Variants in TMEM200A observed in about 807,000 individuals in gnomAD.
TMEM200A encodes the protein two transmembrane C.
Under a neutral mutation model 24.3 loss-of-function variants are expected in TMEM200A, and 12 were observed. The observed-to-expected ratio is 0.49, with a 90% CI of 0.32 to 0.80. The LOEUF is 0.80. Among genes scored for constraint, TMEM200A ranks in the 30% least tolerant of loss-of-function variants. The pLI, the probability that TMEM200A is intolerant of heterozygous loss-of-function variation, is 0.04. For synonymous variants in TMEM200A, 224 were observed against 224.4 expected (o/e 1.00, Z 0.02); for missense variants, 545 against 614.4 (o/e 0.89, Z 1.19).
chr6:130,425,204 T>C (rs900488042), intron 2 of TMEM200A, among the ~76,000 whole-genome samples: 6 of 152,208 alleles, frequency 3.9e-5, no homozygotes, highest in African/African-American at 1.4e-4. Context: ...ATTGAATATT[T>C]CTGCAGAAAT....
intron 1 of TMEM200A, among the ~76,000 whole-genome samples, chr6:130,378,382 TCA>T (rs1778512706): frequency 6.6e-6 from 1 of 150,904 alleles, no homozygotes; most frequent in African/African-American, 2.4e-5. Context: ...GGGCCTGAAC[TCA>T]AATTCAATGT....
chr6:130,437,475 T>C (rs1464726526), intron 2 of TMEM200A: 1 of 152,210 alleles, frequency 6.6e-6, no homozygotes, highest in African/African-American at 2.4e-5. Context: ...AGGGTCTACA[T>C]TGGGACCCTG....
At position 130,441,626 on chromosome 6, in the gene TMEM200A, C is replaced by T. The variant is rs146211569; in HGVS notation, c.1204C>T (p.Arg402Trp). Residue 402 changes from arginine (R) to tryptophan (W), a missense_variant, in exon 3 of 3, where the codon CGG (arginine) becomes TGG (tryptophan). Arg to Trp is a moderately radical substitution (Grantham distance 101). Coordinates refer to ENST00000296978, the MANE Select transcript of TMEM200A (RefSeq NM_001258277.2). The part of the protein sequence containing the change: ...SSHSKSLDLD[R>W]GPSTLTVQAE... ...ACACTCAAAGTCCTTGGACTTAGAC[C>T]GGGGTCCCTCCACTCTAACTGTTCA... 9.3e-5 allele frequency: 150 copies of T among 1,614,016 alleles called. No homozygotes were observed. The highest frequency in any genetic ancestry group is 2.7e-5 in the African/African-American group (2 of 75,018).
chr6:130,379,281 A>C (rs533814851), intron 1 of TMEM200A, among the ~76,000 whole-genome samples: 1 of 152,258 alleles, frequency 6.6e-6, no homozygotes, highest in Non-Finnish European at 1.5e-5. Flanking sequence ...AATTTAGAAA[A>C]GGAGAAGAGG....
At chr6:130,367,079 A>G (rs1364681837) in intron 1 of TMEM200A, among the ~76,000 whole-genome samples, 1 of 152,260 alleles carries the variant, frequency 6.6e-6, no homozygotes, top group African/African-American at 2.4e-5. Context: ...CACATTGTGT[A>G]GGCGCAAGCT....
At chr6:130,367,266 C>T (rs1422913850) in intron 1 of TMEM200A, among the ~76,000 whole-genome samples, 1 of 152,184 alleles carries the variant, frequency 6.6e-6, no homozygotes, top group Non-Finnish European at 1.5e-5. Context: ...CCACCTTAGT[C>T]TGGTGTATTT....
At chr6:130,389,951 C>T (rs1435474124) in intron 2 of TMEM200A, among the ~76,000 whole-genome samples, 1 of 152,138 alleles carries the variant, frequency 6.6e-6, no homozygotes, top group South Asian at 2.1e-4. Context: ...AAAAATTGCT[C>T]ATACTGATAA....
intron 2 of TMEM200A, among the ~76,000 whole-genome samples, chr6:130,430,057 G>T (rs532541321): frequency 1.5e-4 from 23 of 152,190 alleles, no homozygotes; most frequent in African/African-American, 4.8e-4. Flanking sequence ...GTCCTACTTT[G>T]TTCTGGCTGC....
At chr6:130,368,853 T>C (rs1778244486) in intron 1 of TMEM200A, among the ~76,000 whole-genome samples, 1 of 152,174 alleles carries the variant, frequency 6.6e-6, no homozygotes, top group South Asian at 2.1e-4. Context: ...TAGGTGGCTG[T>C]GGGTAAGTGG....
chr6:130,430,509 G>T (rs1779850390), intron 2 of TMEM200A, among the ~76,000 whole-genome samples: 1 of 152,152 alleles, frequency 6.6e-6, no homozygotes, highest in South Asian at 2.1e-4. Context: ...ACAAGTAGGA[G>T]AAGAGAGGGA....
intron 2 of TMEM200A, among the ~76,000 whole-genome samples, chr6:130,396,233 A>T (rs1778949427): frequency 6.6e-6 from 1 of 152,110 alleles, no homozygotes; most frequent in African/African-American, 2.4e-5. Flanking sequence ...AATGCTAGTG[A>T]TGATAGAGGT....
In TMEM200A at chr6:130,442,049, G is replaced by A. The variant is rs113672607; in HGVS notation, c.*151G>A. 8 of 716,176 alleles carry A rather than the reference G, an allele frequency of 1.1e-5. No individual in the cohort carries two copies. The highest frequency in any genetic ancestry group is 8.9e-5 in the African/African-American group (5 of 55,896). 44.4% of individuals were successfully genotyped at this position (716,176 alleles called of 1,614,324 possible). A position where few individuals can be genotyped will look rare whatever the true frequency, so the allele number is the denominator to read the frequency against. On this transcript the variant is annotated 3_prime_UTR_variant, in exon 3 of 3. Coordinates refer to ENST00000296978, the MANE Select transcript of TMEM200A (RefSeq NM_001258277.2). ...GCTTAGTTCTGTAATGAAGATGGTTGTATGTTTGGGTTACTTGTGACTGCA... is the reference window on the plus strand; with the variant it reads ...GCTTAGTTCTGTAATGAAGATGGTTATATGTTTGGGTTACTTGTGACTGCA...
intron 2 of TMEM200A, among the ~76,000 whole-genome samples, chr6:130,394,011 T>C (rs1182141675): frequency 6.6e-6 from 1 of 152,180 alleles, no homozygotes; most frequent in Non-Finnish European, 1.5e-5. Flanking sequence ...GAGTTTCTGT[T>C]CCCATTATTT....
rs13215027 is a variant in TMEM200A, at chr6:130,441,053, G to A, written c.631G>A (p.Ala211Thr). Residue 211 changes from alanine (A) to threonine (T), a missense_variant, in exon 3 of 3, where the codon GCC (alanine) becomes ACC (threonine). Ala to Thr is a moderately conservative substitution (Grantham distance 58). Transcript: ENST00000296978. ...CASRLAANTIASFSGFRSSFR... is the reference protein window; with the variant it reads ...CASRLAANTITSFSGFRSSFR... ...CTCGAGATTGGCAGCAAATACGATC[G>A]CCTCTTTCTCGGGTTTTCGGAGCAG... The A allele has an allele frequency of 1.2e-5, 19 of 1,613,916 alleles. No individual in the cohort carries two copies. The highest frequency in any genetic ancestry group is 9.9e-5 in the South Asian group (9 of 91,050).
At chr6:130,401,589 A>G (rs1427672243) in intron 2 of TMEM200A, among the ~76,000 whole-genome samples, 3 of 150,948 alleles carry the variant, frequency 2.0e-5, no homozygotes, top group Middle Eastern at 3.2e-3. Context: ...TTGTACATAT[A>G]TTTTTGTATA....
chr6:130,392,733 T>C (rs1256285984), intron 2 of TMEM200A, among the ~76,000 whole-genome samples: 1 of 152,188 alleles, frequency 6.6e-6, no homozygotes. Context: ...TTCTTCATCT[T>C]ACAAGCAACA....
chr6:130,375,136 C>T (rs1053507276), intron 1 of TMEM200A, among the ~76,000 whole-genome samples: 1 of 152,174 alleles, frequency 6.6e-6, no homozygotes, highest in African/African-American at 2.4e-5. Flanking sequence ...TAACTCTATT[C>T]TCCTTTATGG....
intron 2 of TMEM200A, among the ~76,000 whole-genome samples, chr6:130,436,528 C>G (rs1459161660): frequency 1.4e-5 from 2 of 146,772 alleles, no homozygotes; most frequent in East Asian, 4.1e-4. Flanking sequence ...TTTGCATATA[C>G]TGAACACTTT....
intron 2 of TMEM200A, among the ~76,000 whole-genome samples, chr6:130,406,182 G>A (rs889460715): frequency 6.6e-6 from 1 of 151,866 alleles, no homozygotes; most frequent in Non-Finnish European, 1.5e-5. Context: ...GTTTTTTTCT[G>A]TCTAATTTCT....
Sources: allele counts gnomAD v4.1 joint callset (sites outside exome capture counted in the v4.1 genomes callset), GRCh38; gene constraint gnomAD v4.1.1; transcripts MANE v1.5; gene names NCBI Gene and HGNC (gene_info 2026-07-23, HGNC 2026-07-21).